Variants in PIK3C2G observed in about 807,000 individuals in gnomAD.
PIK3C2G encodes phosphatidylinositol-4-phosphate 3-kinase catalytic subunit type 2 gamma, also known as phosphatidylinositol 3-kinase C2 domain-containing subunit gamma.
PIK3C2G carries 168 observed loss-of-function variants against 181.1 expected under a neutral mutation model. The ratio of observed to expected loss-of-function variants is 0.93; its 90% CI spans 0.82 to 1.05. PIK3C2G has a LOEUF of 1.05. PIK3C2G is among the 50% of genes least tolerant of loss of function. PIK3C2G has a pLI of 0.00. For synonymous variants in PIK3C2G, 573 were observed against 592.2 expected, an observed-to-expected ratio of 0.97 and a Z score of 0.47; for missense variants, 1,869 against 1,732.8, an observed-to-expected ratio of 1.08 and a Z score of -1.40.
the PIK3C2G span, among the ~76,000 whole-genome samples, chr12:18,657,862 A>G: frequency 1.3e-5 from 2 of 152,194 alleles, no homozygotes; most frequent in East Asian, 1.9e-4. Flanking sequence ...AAGGAAGCTC[A>G]TCTATTGGAC....
intron 1 of PIK3C2G, among the ~76,000 whole-genome samples, chr12:18,274,798 TATA>T (rs576023289): frequency 6.6e-6 from 1 of 152,118 alleles, no homozygotes; most frequent in Non-Finnish European, 1.5e-5. Context: ...AAACTTAAAG[TATA>T]ATAATAATAA....
the PIK3C2G span, among the ~76,000 whole-genome samples, chr12:18,667,801 C>T: frequency 2.0e-5 from 3 of 152,160 alleles, no homozygotes; most frequent in Admixed American, 2.0e-4. Flanking sequence ...CAGTCAATCC[C>T]AGCTCTGGCT....
intron 31 of PIK3C2G, among the ~76,000 whole-genome samples, chr12:18,620,502 ACAGATAGATAAATGAT>A (rs1948805843): frequency 1.3e-5 from 2 of 150,580 alleles, no homozygotes; most frequent in Non-Finnish European, 3.0e-5. Flanking sequence ...TGTGCATATG[ACAGATAGATAAATGAT>A]TAGACAGACA....
intron 15 of PIK3C2G, among the ~76,000 whole-genome samples, chr12:18,397,101 A>T (rs2138099884): frequency 6.6e-6 from 1 of 152,092 alleles, no homozygotes; most frequent in African/African-American, 2.4e-5. Context: ...TTCAATGTAG[A>T]TAGAATAGAA....
At chr12:18,574,325 T>C (rs1002609920) in intron 29 of PIK3C2G, among the ~76,000 whole-genome samples, 3 of 152,218 alleles carry the variant, frequency 2.0e-5, no homozygotes, top group African/African-American at 7.2e-5. Context: ...TCTTGATAAC[T>C]TTAATGTCAC....
In PIK3C2G at chr12:18,508,014, T is replaced by A. The variant is rs1382942032; in HGVS notation, c.3323+2553T>A. Among the ~76,000 whole-genome samples the A allele has an allele frequency of 2.0e-5, 3 of 152,338 alleles. No individual in the cohort carries two copies. The East Asian group carries it at 5.8e-4, about 29-fold the overall frequency. Reference sequence around the variant, plus strand: ...TGTGCCCAGCATACAGCCACACTCATAATCGGTTCTTAATATTTTCTGCTG... The same window carrying A: ...TGTGCCCAGCATACAGCCACACTCAAAATCGGTTCTTAATATTTTCTGCTG... On this transcript the variant is annotated intron_variant, in intron 24 of 32. Transcript: ENST00000538779.
the PIK3C2G span, among the ~76,000 whole-genome samples, chr12:18,701,974 A>G: frequency 1.3e-5 from 2 of 152,186 alleles, no homozygotes; most frequent in Admixed American, 6.5e-5. Context: ...ATTGTAATTC[A>G]CCAAAAAATA....
chr12:18,619,971 A>C (rs1263555359), intron 31 of PIK3C2G, among the ~76,000 whole-genome samples: 3 of 152,002 alleles, frequency 2.0e-5, no homozygotes, highest in African/African-American at 7.2e-5. Context: ...TGATCCGCCC[A>C]CCACGGCCTC....
chr12:18,262,102 C>T (rs1319762264), intron 1 of PIK3C2G, among the ~76,000 whole-genome samples: 1 of 152,014 alleles, frequency 6.6e-6, no homozygotes, highest in Non-Finnish European at 1.5e-5. Flanking sequence ...TAGGGAGAAG[C>T]TCTGTTCTAT....
upstream of PIK3C2G, among the ~76,000 whole-genome samples, chr12:18,257,934 C>T (rs1948164830): frequency 6.6e-6 from 1 of 151,938 alleles, no homozygotes; most frequent in Non-Finnish European, 1.5e-5. Context: ...TACCTTTTAC[C>T]TGTACAAATA....
intron 24 of PIK3C2G, among the ~76,000 whole-genome samples, chr12:18,532,517 G>A (rs113400744): frequency 0.012 from 1,801 of 152,204 alleles, 21 homozygotes; most frequent in South Asian, 0.023. Flanking sequence ...AGTTTGGGTC[G>A]TTTATATTTT....
chr12:18,401,600 G>A (rs1944254482), intron 16 of PIK3C2G, among the ~76,000 whole-genome samples: 1 of 152,060 alleles, frequency 6.6e-6, no homozygotes, highest in Non-Finnish European at 1.5e-5. Context: ...GACAGAATAA[G>A]AGAAAATAAA....
At chr12:18,345,123 T>C (rs1454608057) in intron 10 of PIK3C2G, among the ~76,000 whole-genome samples, 1 of 152,184 alleles carries the variant, frequency 6.6e-6, no homozygotes, top group Non-Finnish European at 1.5e-5. Flanking sequence ...GAGTTTGTGC[T>C]TCCTGCTTCA....
intron 20 of PIK3C2G, chr12:18,493,780 G>A (rs1053581014): frequency 1.3e-4 from 20 of 152,302 alleles, no homozygotes; most frequent in African/African-American, 4.3e-4. Context: ...GGCTCAATTC[G>A]TTTCTTAAAG....
At chr12:18,302,279 G>T (rs887157099) in intron 5 of PIK3C2G, among the ~76,000 whole-genome samples, 1 of 152,142 alleles carries the variant, frequency 6.6e-6, no homozygotes, top group Non-Finnish European at 1.5e-5. Context: ...TACAATCAAT[G>T]ATGAAAGTAG....
chr12:18,617,212 A>C (rs1230507899), intron 31 of PIK3C2G, among the ~76,000 whole-genome samples: 2 of 152,082 alleles, frequency 1.3e-5, no homozygotes, highest in African/African-American at 4.8e-5. Flanking sequence ...AAAAATTTGT[A>C]AGTGTGCATA....
intron 5 of PIK3C2G, among the ~76,000 whole-genome samples, chr12:18,295,435 A>T (rs987421630): frequency 8.5e-5 from 13 of 152,160 alleles, no homozygotes; most frequent in Admixed American, 7.9e-4. Context: ...ATTGTCAAAT[A>T]TTTGCATTAA....
chr12:18,504,176 T>C (rs1941681441), intron 23 of PIK3C2G, among the ~76,000 whole-genome samples: 1 of 152,216 alleles, frequency 6.6e-6, no homozygotes, highest in Non-Finnish European at 1.5e-5. Flanking sequence ...TTGGTCACCC[T>C]ACCTATGATA....
At chr12:18,463,896 T>C (rs1948052468) in intron 18 of PIK3C2G, among the ~76,000 whole-genome samples, 1 of 152,106 alleles carries the variant, frequency 6.6e-6, no homozygotes, top group Non-Finnish European at 1.5e-5. Context: ...AAACAGGCCC[T>C]TCACTCCTCC....
Sources: allele counts gnomAD v4.1 joint callset (sites outside exome capture counted in the v4.1 genomes callset), GRCh38; gene constraint gnomAD v4.1.1; transcripts MANE v1.5; gene names NCBI Gene and HGNC (gene_info 2026-07-23, HGNC 2026-07-21).